EHF: variants seen among roughly 807,000 people sequenced by gnomAD.
EHF encodes ETS homologous factor.
A neutral mutation model predicts 45.1 loss-of-function variants in EHF; 14 were observed. The ratio of observed to expected loss-of-function variants is 0.31; its 90% CI spans 0.21 to 0.49. The LOEUF (loss-of-function observed/expected upper bound fraction) is 0.49. EHF is among the 20% of genes least tolerant of loss of function. The pLI is 0.99. For synonymous variants in EHF, 136 were observed against 131.8 expected, an observed-to-expected ratio of 1.03 and a Z score of -0.22; for missense variants, 282 against 371.4, an observed-to-expected ratio of 0.76 and a Z score of 1.98.
At chr11:34,623,603 A>T (rs1480226038) in intron 1 of EHF, among the ~76,000 whole-genome samples, 1 of 152,184 alleles carries the variant, frequency 6.6e-6, no homozygotes, top group Admixed American at 6.5e-5. Context: ...CTGAGAGGTT[A>T]AAAGGTTTAC....
intron 3 of EHF, 51 bp from the exon 4 acceptor site, chr11:34,648,968 G>A (rs527885621): frequency 1.3e-6 from 2 of 1,567,170 alleles, no homozygotes; most frequent in South Asian, 1.1e-5. Flanking sequence ...TAAGCATCCA[G>A]TTCTGGCTCC....
At chr11:34,647,927 C>T (rs1257363709) in intron 3 of EHF, among the ~76,000 whole-genome samples, 1 of 152,140 alleles carries the variant, frequency 6.6e-6, no homozygotes, top group African/African-American at 2.4e-5. Flanking sequence ...AAATATTTAC[C>T]TCCACCCCCC....
intron 2 of EHF, among the ~76,000 whole-genome samples, chr11:34,645,365 C>T (rs1854413627): frequency 1.3e-5 from 2 of 152,072 alleles, no homozygotes; most frequent in South Asian, 4.2e-4. Flanking sequence ...ACGTACCTCC[C>T]AACTCCTCAG....
At chr11:34,625,904 A>G (rs1852338019) in intron 1 of EHF, among the ~76,000 whole-genome samples, 1 of 151,838 alleles carries the variant, frequency 6.6e-6, no homozygotes, top group Non-Finnish European at 1.5e-5. Flanking sequence ...CTTAGTTGTT[A>G]CTAGGGGTAC....
chr11:34,661,924 T>C lies in EHF; in HGVS notation c.*2993T>C, dbSNP rs555681298. Among the ~76,000 whole-genome samples the C allele has an allele frequency of 6.6e-6, 1 of 152,276 alleles. No homozygotes were observed. Among genetic ancestry groups the C allele is most frequent in the South Asian group, 2.1e-4 (1 of 4,824 alleles). The stretch of plus-strand genomic sequence containing the variant: ...AAGACTTTACCAGGCTCAAATCATC[T>C]GAGGCTGATAGATATTTGACTTGGT... On this transcript the variant is annotated 3_prime_UTR_variant, in exon 9 of 9. Coordinates refer to ENST00000257831, the MANE Select transcript of EHF (RefSeq NM_012153.6).
intron 1 of EHF, among the ~76,000 whole-genome samples, chr11:34,633,494 G>C (rs145845388): frequency 1.3e-5 from 2 of 152,258 alleles, no homozygotes; most frequent in Non-Finnish European, 2.9e-5. Context: ...CAGAAATGCA[G>C]ATTTTAGTTT....
chr11:34,652,852 C>G (rs1301397596), intron 6 of EHF, among the ~76,000 whole-genome samples: 2 of 152,306 alleles, frequency 1.3e-5, no homozygotes. Context: ...AATGTAAATG[C>G]TTCTGGAATT....
intron 1 of EHF, among the ~76,000 whole-genome samples, chr11:34,633,149 T>C (rs985713110): frequency 1.3e-5 from 2 of 152,210 alleles, no homozygotes; most frequent in African/African-American, 4.8e-5. Flanking sequence ...GCCAGATTTG[T>C]CTGTTCGGAC....
At chr11:34,639,720 T>G (rs1337312661) in intron 1 of EHF, among the ~76,000 whole-genome samples, 2 of 152,254 alleles carry the variant, frequency 1.3e-5, no homozygotes, top group East Asian at 3.8e-4. Context: ...AACTCTTTTA[T>G]GAGTGGAAAC....
intron 7 of EHF, among the ~76,000 whole-genome samples, chr11:34,657,773 G>T (rs535198707): frequency 2.0e-5 from 3 of 151,096 alleles, no homozygotes; most frequent in Admixed American, 1.3e-4. Flanking sequence ...TTGGGCCACA[G>T]AGTGATATCC....
intron 6 of EHF, among the ~76,000 whole-genome samples, chr11:34,654,440 C>T (rs375281678): frequency 1.1e-4 from 17 of 152,324 alleles, no homozygotes; most frequent in East Asian, 1.9e-4. Context: ...AGTGATTCCA[C>T]GGCTTACCCC....
rs768559714 is a variant in EHF at position 34,642,670 on chromosome 11, G to A, written c.40G>A (p.Gly14Ser). 2.7e-5 allele frequency: 43 copies of A among 1,613,894 alleles called. No individual in the cohort carries two copies. Among genetic ancestry groups the A allele is most frequent in the Non-Finnish European group, 3.1e-5 (37 of 1,179,952 alleles). ...AGGTGGTGTAATGAATCTCAACCCC[G>A]GCAACAACCTCCTTCACCAGCCGCC... ...EGGGVMNLNP[G>S]NNLLHQPPAW... The change falls in exon 2 of 9, where the codon GGC becomes AGC. Residue 14 changes from glycine (G) to serine (S), a missense_variant. Transcript: ENST00000257831.
At chr11:34,648,583 T>C (rs747601927) in intron 3 of EHF, among the ~76,000 whole-genome samples, 20 of 152,190 alleles carry the variant, frequency 1.3e-4, no homozygotes, top group Non-Finnish European at 2.8e-4. Context: ...GGTTTTTCCC[T>C]ACATTTTCAT....
At chr11:34,637,908 T>TG (rs1360032177) in intron 1 of EHF, among the ~76,000 whole-genome samples, 1 of 151,866 alleles carries the variant, frequency 6.6e-6, no homozygotes, top group Non-Finnish European at 1.5e-5. Context: ...CCTTTTTTTT[T>TG]TTTTCCTTTT....
intron 1 of EHF, among the ~76,000 whole-genome samples, chr11:34,626,742 G>A (rs187436164): frequency 1.2e-4 from 19 of 152,328 alleles, no homozygotes; most frequent in Non-Finnish European, 8.8e-5. Context: ...TGTATCTGAA[G>A]GGGTAGGAGG....
intron 1 of EHF, chr11:34,632,689 C>G (rs1040485907): frequency 6.5e-7 from 1 of 1,533,588 alleles, no homozygotes; most frequent in African/African-American, 1.4e-5. Flanking sequence ...GGTTGCCCGG[C>G]TCTCTCTGCT....
chr11:34,638,609 A>G (rs1853677852), intron 1 of EHF, among the ~76,000 whole-genome samples: 1 of 152,038 alleles, frequency 6.6e-6, no homozygotes, highest in African/African-American at 2.4e-5. Flanking sequence ...GTGTGTGTGG[A>G]GGGGGTGCTG....
intron 1 of EHF, among the ~76,000 whole-genome samples, chr11:34,629,010 G>T (rs1238473444): frequency 6.6e-6 from 1 of 152,174 alleles, no homozygotes; most frequent in Non-Finnish European, 1.5e-5. Context: ...CCTGCCTCTG[G>T]TTATGGTGAA....
chr11:34,645,076 C>T (rs1270716801), intron 2 of EHF, among the ~76,000 whole-genome samples: 1 of 152,130 alleles, frequency 6.6e-6, no homozygotes, highest in African/African-American at 2.4e-5. Context: ...GCCCCTTGCC[C>T]CTTTCACTCA....
Sources: gnomAD v4.1 joint callset for allele counts (sites outside exome capture counted in the v4.1 genomes callset) on GRCh38, gnomAD v4.1.1 for gene constraint, MANE v1.5 for transcripts, NCBI Gene and HGNC (gene_info 2026-07-23, HGNC 2026-07-21) for gene names.